CDH18: variants seen among roughly 807,000 people sequenced by gnomAD.
CDH18 encodes the protein cadherin-18.
A neutral mutation model predicts 67.9 loss-of-function variants in CDH18; 31 were observed. The ratio of observed to expected loss-of-function variants is 0.46; its 90% CI spans 0.34 to 0.62. CDH18 has a LOEUF of 0.62. CDH18 is among the 20% of genes least tolerant of loss of function. CDH18 has a pLI of 0.01. For missense variants in CDH18, 890 were observed against 975.5 expected (o/e 0.91, Z 1.17); for synonymous variants, 362 against 347.2 (o/e 1.04, Z -0.48).
chr5:20,058,815 A>C (rs573827996), intron 2 of CDH18, among the ~76,000 whole-genome samples: 2 of 152,332 alleles, frequency 1.3e-5, no homozygotes, highest in Admixed American at 1.3e-4. Context: ...TCCAGTTTAC[A>C]GTATCATCAA....
At chr5:20,093,622 A>C (rs1412909475) in intron 2 of CDH18, among the ~76,000 whole-genome samples, 1 of 152,192 alleles carries the variant, frequency 6.6e-6, no homozygotes, top group Non-Finnish European at 1.5e-5. Context: ...TAATAAAATA[A>C]AGGTATAAAA....
At chr5:19,752,212 T>C (rs186665041) in intron 3 of CDH18, among the ~76,000 whole-genome samples, 2 of 152,272 alleles carry the variant, frequency 1.3e-5, no homozygotes, top group East Asian at 1.9e-4. Context: ...ATCCTGTGTG[T>C]AGACTCCACA....
rs563815319 is a variant in CDH18 at position 20,029,096 on chromosome 5, C to T, written c.-517-37082G>A. 7.2e-4 allele frequency among the ~76,000 whole-genome samples: 109 copies of T among 152,244 alleles called. 1 individual carries two copies. Among genetic ancestry groups the T allele is most frequent in the African/African-American group, 2.4e-3 (101 of 41,558 alleles). On this transcript the variant is annotated intron_variant, in intron 2 of 14. Coordinates refer to the CDH18 transcript ENST00000507958. ...GACAGCCAATTATTCACGCATTACC[C>T]TTAATTATGCTTTCTAAATTATATA...
intron 2 of CDH18, among the ~76,000 whole-genome samples, chr5:19,876,527 T>G (rs538543583): frequency 2.0e-5 from 3 of 152,130 alleles, no homozygotes; most frequent in Admixed American, 6.6e-5. Flanking sequence ...TTGCTTCTTA[T>G]TTCTCCTTTT....
At chr5:20,486,347 T>C (rs559499266) in intron 1 of CDH18, among the ~76,000 whole-genome samples, 2 of 152,276 alleles carry the variant, frequency 1.3e-5, no homozygotes, top group African/African-American at 4.8e-5. Flanking sequence ...CTATAGAGAT[T>C]GCATGTTTCA....
intron 7 of CDH18, among the ~76,000 whole-genome samples, chr5:19,587,733 C>T (rs1036040685): frequency 6.6e-6 from 1 of 151,850 alleles, no homozygotes; most frequent in Admixed American, 6.6e-5. Flanking sequence ...AGCATAATGC[C>T]TCCAGATTTC....
rs745445304 is a variant in CDH18, at chr5:19,573,479, C to T, written c.1000-1647G>A. ...ATTTTTAGTAGAGACGCGGTTTCAC[C>T]GTGTTAGCCAGGATGGTCTCGATCT... On this transcript the variant is annotated intron_variant, in intron 7 of 12. Transcript: ENST00000382275. Among the ~76,000 whole-genome samples, 23 of 152,120 alleles carry T rather than the reference C, an allele frequency of 1.5e-4. No individual in the cohort carries two copies. The South Asian group carries it at 2.1e-3, about 14-fold the overall frequency.
chr5:19,570,365 C>T (rs571225406), intron 8 of CDH18, among the ~76,000 whole-genome samples: 1 of 152,094 alleles, frequency 6.6e-6, no homozygotes, highest in Non-Finnish European at 1.5e-5. Flanking sequence ...TGACAGGATA[C>T]AGTTTCTATA....
chr5:19,887,305 C>A (rs1423236354), intron 2 of CDH18, among the ~76,000 whole-genome samples: 1 of 151,768 alleles, frequency 6.6e-6, no homozygotes, highest in African/African-American at 2.4e-5. Flanking sequence ...TCATTGGTTT[C>A]TATGAGTTAT....
rs184561345 is a variant in CDH18 at position 19,962,147 on chromosome 5, G to A, written c.-257+18913C>T. 2.0e-3 allele frequency among the ~76,000 whole-genome samples: 299 copies of A among 151,596 alleles called. 4 individuals carry two copies. The highest frequency in any genetic ancestry group is 0.018 in the Admixed American group (275 of 15,226). On this transcript the variant is annotated intron_variant, in intron 2 of 12. Transcript: ENST00000382275. ...AGTATAATGTCTCTTCTTTAACCTT[G>A]AGTGGGAAGTCTTCTCCACTGTTTG...
At chr5:20,551,532 C>T (rs1298056461) in intron 1 of CDH18, among the ~76,000 whole-genome samples, 1 of 151,560 alleles carries the variant, frequency 6.6e-6, no homozygotes, top group East Asian at 2.0e-4. Flanking sequence ...ACTTTCCTGG[C>T]TTGGTACACC....
intron 2 of CDH18, among the ~76,000 whole-genome samples, chr5:20,061,166 T>G (rs1158511085): frequency 6.6e-6 from 1 of 152,078 alleles, no homozygotes; most frequent in Non-Finnish European, 1.5e-5. Context: ...TTTACCTATA[T>G]ATCTCCCACA....
At chr5:19,606,770 C>A (rs1347075213) in intron 6 of CDH18, among the ~76,000 whole-genome samples, 1 of 151,716 alleles carries the variant, frequency 6.6e-6, no homozygotes, top group Admixed American at 6.6e-5. Flanking sequence ...CGAAGAAATA[C>A]TTGAAAAAAT....
intron 2 of CDH18, among the ~76,000 whole-genome samples, chr5:20,192,076 T>C (rs1413360573): frequency 1.3e-5 from 2 of 152,124 alleles, no homozygotes; most frequent in Non-Finnish European, 2.9e-5. Context: ...TGGTATCTCA[T>C]TGTGGTTTTG....
chr5:20,203,284 G>T (rs1739594034), intron 2 of CDH18, among the ~76,000 whole-genome samples: 1 of 152,164 alleles, frequency 6.6e-6, no homozygotes, highest in South Asian at 2.1e-4. Flanking sequence ...CACAACCAGA[G>T]ACCAGGGGGT....
At chr5:19,523,493 G>A (rs564730111) in intron 9 of CDH18, among the ~76,000 whole-genome samples, 3 of 151,684 alleles carry the variant, frequency 2.0e-5, no homozygotes, top group African/African-American at 4.8e-5. Flanking sequence ...AATTTTAAAA[G>A]CCAACACAAT....
chr5:20,262,433 T>C (rs1018625784), intron 1 of CDH18, among the ~76,000 whole-genome samples: 3 of 152,202 alleles, frequency 2.0e-5, no homozygotes, highest in Non-Finnish European at 4.4e-5. Context: ...CATTAAAATG[T>C]CTCCTTAAAT....
intron 8 of CDH18, among the ~76,000 whole-genome samples, chr5:19,566,402 G>A (rs958066920): frequency 6.6e-6 from 1 of 152,142 alleles, no homozygotes; most frequent in Non-Finnish European, 1.5e-5. Context: ...GTATTAGTCC[G>A]TTTTTATGCT....
In CDH18 at chr5:20,271,934, G is replaced by GAGAGAGAGAGAC. The variant is rs1333725334; in HGVS notation, c.-579-16430_-579-16429insGTCTCTCTCTCT. ...CTTGCTGTAGAGAGGCAGAGAGAGA[G>GAGAGAGAGAGAC]AGAGAGAGAGAGAGAGATGTGAATT... is the stretch of plus-strand genomic sequence containing the variant. On this transcript the variant is annotated intron_variant, in intron 1 of 14. Coordinates refer to the CDH18 transcript ENST00000507958. 4.0e-5 allele frequency among the ~76,000 whole-genome samples: 6 copies of GAGAGAGAGAGAC among 151,884 alleles called. No individual in the cohort carries two copies. In the East Asian group the frequency reaches 1.2e-3, roughly 29 times the overall value.
Sources: gnomAD v4.1 joint callset for allele counts (sites outside exome capture counted in the v4.1 genomes callset) on GRCh38, gnomAD v4.1.1 for gene constraint, MANE v1.5 for transcripts, NCBI Gene and HGNC (gene_info 2026-07-23, HGNC 2026-07-21) for gene names.